MACROD2: variants seen among roughly 807,000 people sequenced by gnomAD.
MACROD2 encodes the protein ADP-ribose glycohydrolase MACROD2.
In MACROD2, 36 loss-of-function variants were observed where a neutral mutation model predicts 70.4. The observed-to-expected ratio is 0.51, with a 90% CI of 0.39 to 0.68. MACROD2 has a LOEUF of 0.68. MACROD2 is among the 30% of genes least tolerant of loss of function. The probability of loss-of-function intolerance (pLI) is 0.00; values close to 1 mark genes in which losing one functional copy is unlikely to be tolerated. For missense variants in MACROD2, 496 were observed against 538.4 expected (o/e 0.92, Z 0.78); for synonymous variants, 172 against 178.8 (o/e 0.96, Z 0.30).
chr20:15,073,883 C>T (rs1345969165), intron 5 of MACROD2, among the ~76,000 whole-genome samples: 3 of 152,044 alleles, frequency 2.0e-5, no homozygotes, highest in African/African-American at 7.2e-5. Flanking sequence ...TTGTTTACTG[C>T]CTTGTTCAGT....
chr20:14,703,696 C>T (rs1296997242), intron 5 of MACROD2, among the ~76,000 whole-genome samples: 1 of 152,090 alleles, frequency 6.6e-6, no homozygotes, highest in African/African-American at 2.4e-5. Flanking sequence ...CAGAGCGAGA[C>T]CCTGACTTAT....
intron 8 of MACROD2, among the ~76,000 whole-genome samples, chr20:15,821,493 T>G (rs1261807668): frequency 6.6e-6 from 1 of 152,180 alleles, no homozygotes; most frequent in African/African-American, 2.4e-5. Flanking sequence ...AAATACAGTC[T>G]GGGCCGGATT....
intron 3 of MACROD2, among the ~76,000 whole-genome samples, chr20:14,249,803 T>C (rs1011521891): frequency 6.6e-6 from 1 of 152,090 alleles, no homozygotes; most frequent in Non-Finnish European, 1.5e-5. Context: ...CCATACAATA[T>C]ACTACGACAG....
chr20:14,327,197 T>C, intron 3 of MACROD2: 2 of 1,613,646 alleles, frequency 1.2e-6, no homozygotes, highest in Non-Finnish European at 1.7e-6. Flanking sequence ...TTTACATACT[T>C]TGGGAGGTTG....
intron 10 of MACROD2, among the ~76,000 whole-genome samples, chr20:15,895,273 A>G (rs777756444): frequency 7.9e-5 from 12 of 152,318 alleles, no homozygotes; most frequent in Middle Eastern, 3.4e-3. Flanking sequence ...CACCTCCTGT[A>G]ATTATGTGGT....
intron 6 of MACROD2, among the ~76,000 whole-genome samples, chr20:15,237,181 A>T (rs2077021054): frequency 6.6e-6 from 1 of 152,224 alleles, no homozygotes; most frequent in Admixed American, 6.5e-5. Flanking sequence ...ACATCAAAAC[A>T]AAGCCTCTCT....
intron 8 of MACROD2, among the ~76,000 whole-genome samples, chr20:15,710,286 T>C (rs2050607926): frequency 1.3e-5 from 2 of 150,702 alleles, no homozygotes; most frequent in African/African-American, 2.4e-5. Context: ...ACAGCCATTA[T>C]AAAGAATAAT....
intron 5 of MACROD2, among the ~76,000 whole-genome samples, chr20:14,998,034 A>C (rs941333853): frequency 1.3e-5 from 2 of 152,216 alleles, no homozygotes; most frequent in Non-Finnish European, 2.9e-5. Flanking sequence ...TCATAGCATC[A>C]CTAGGCTTGG....
At chr20:14,430,075 G>T (rs1036300206) in intron 3 of MACROD2, among the ~76,000 whole-genome samples, 1 of 152,110 alleles carries the variant, frequency 6.6e-6, no homozygotes, top group African/African-American at 2.4e-5. Flanking sequence ...GTTTGTTAGC[G>T]TTGGAGAAAG....
chr20:16,007,780 C>T (rs1332833814), intron 15 of MACROD2, among the ~76,000 whole-genome samples: 6 of 152,060 alleles, frequency 3.9e-5, no homozygotes, highest in African/African-American at 1.4e-4. Flanking sequence ...TCCACCCTAC[C>T]CTTTTCCCCT....
chr20:14,878,710 C>T (rs924282012), intron 5 of MACROD2, among the ~76,000 whole-genome samples: 10 of 151,918 alleles, frequency 6.6e-5, no homozygotes, highest in Non-Finnish European at 1.3e-4. Context: ...GTTTACTGGC[C>T]GAGTTGATAA....
At chr20:14,409,085 C>T (rs2083721053) in intron 3 of MACROD2, among the ~76,000 whole-genome samples, 1 of 150,680 alleles carries the variant, frequency 6.6e-6, no homozygotes, top group Non-Finnish European at 1.5e-5. Context: ...TTTTGTCTTA[C>T]TTTGCCGTGG....
chr20:14,042,914 G>C (rs958211696), intron 2 of MACROD2, among the ~76,000 whole-genome samples: 4 of 146,570 alleles, frequency 2.7e-5, no homozygotes, highest in African/African-American at 9.9e-5. Flanking sequence ...AACCCAGGTG[G>C]TGGGTTTTTT....
chr20:14,331,423 A>G (rs1568562105), intron 3 of MACROD2, among the ~76,000 whole-genome samples: 1 of 152,134 alleles, frequency 6.6e-6, no homozygotes, highest in Non-Finnish European at 1.5e-5. Flanking sequence ...CACATTTGCC[A>G]TTCATACAAT....
intron 6 of MACROD2, among the ~76,000 whole-genome samples, chr20:15,387,692 C>A (rs150447729): frequency 1.3e-5 from 2 of 151,512 alleles, no homozygotes; most frequent in African/African-American, 4.8e-5. Flanking sequence ...GGGCAACTGA[C>A]AAGTTTTCAG....
intron 5 of MACROD2, among the ~76,000 whole-genome samples, chr20:15,190,322 T>C (rs2076561987): frequency 6.6e-6 from 1 of 152,148 alleles, no homozygotes; most frequent in Non-Finnish European, 1.5e-5. Context: ...CAGTAGGTGC[T>C]GCAAGGATGT....
chr20:16,039,303 T>C (rs1443454810), intron 15 of MACROD2, among the ~76,000 whole-genome samples: 1 of 152,018 alleles, frequency 6.6e-6, no homozygotes, highest in Non-Finnish European at 1.5e-5. Context: ...CCTTTTGTTG[T>C]TAGCAAAGTA....
At chr20:14,537,681 G>A (rs2123224108) in intron 4 of MACROD2, among the ~76,000 whole-genome samples, 1 of 152,254 alleles carries the variant, frequency 6.6e-6, no homozygotes, top group South Asian at 2.1e-4. Context: ...GAGCTTCAGG[G>A]CTCTATTAAT....
chr20:14,208,920 G>C (rs2081547842), intron 3 of MACROD2, among the ~76,000 whole-genome samples: 1 of 152,146 alleles, frequency 6.6e-6, no homozygotes, highest in Admixed American at 6.5e-5. Flanking sequence ...GGAGAGAGTG[G>C]GGAGGGATAT....
Sources: allele counts gnomAD v4.1 joint callset (sites outside exome capture counted in the v4.1 genomes callset), GRCh38; gene constraint gnomAD v4.1.1; transcripts MANE v1.5; gene names NCBI Gene and HGNC (gene_info 2026-07-23, HGNC 2026-07-21).